The following NAV3 variants were observed in gnomAD, a reference collection of about 807,000 sequenced individuals.
NAV3 encodes neuron navigator 3, also known as pore membrane and/or filament interacting like protein 1.
A neutral mutation model predicts 244.7 loss-of-function variants in NAV3; 87 were observed. The ratio of observed to expected loss-of-function variants is 0.36; its 90% CI spans 0.30 to 0.42. NAV3 has a LOEUF of 0.42. Ranked by LOEUF, NAV3 falls within the 20% of genes least tolerant of loss-of-function variation. NAV3 has a pLI of 1.00. For synonymous variants in NAV3, 1,126 were observed against 1,042.2 expected (o/e 1.08, Z -1.55); for missense variants, 2,663 against 2,893.3 (o/e 0.92, Z 1.83).
At chr12:77,940,987 ATT>A in intron 2 of NAV3, 92 bp from the exon 3 acceptor site, 3 of 748,572 alleles carry the variant, frequency 4.0e-6, no homozygotes, top group African/African-American at 1.8e-5. Context: ...TTTGCTTGGT[ATT>A]TTTTTTTTCC....
chr12:77,706,655 G>A (rs1446025794), intron 2 of NAV3, among the ~76,000 whole-genome samples: 1 of 150,838 alleles, frequency 6.6e-6, no homozygotes, highest in Non-Finnish European at 1.5e-5. Context: ...CGGATCACGA[G>A]GTCAGGAGAT....
At chr12:77,680,063 A>G (rs1386517456) in intron 2 of NAV3, among the ~76,000 whole-genome samples, 1 of 152,160 alleles carries the variant, frequency 6.6e-6, no homozygotes, top group Non-Finnish European at 1.5e-5. Flanking sequence ...CTTTTGAACA[A>G]TAGAGATTGC....
At chr12:77,628,763 T>C (rs1216766157) in intron 2 of NAV3, among the ~76,000 whole-genome samples, 1 of 151,650 alleles carries the variant, frequency 6.6e-6, no homozygotes, top group Non-Finnish European at 1.5e-5. Flanking sequence ...CGGTGGAGCA[T>C]GCTTGTGGTC....
chr12:77,650,114 C>T (rs1872760182), intron 2 of NAV3, among the ~76,000 whole-genome samples: 1 of 152,156 alleles, frequency 6.6e-6, no homozygotes, highest in South Asian at 2.1e-4. Flanking sequence ...TTCCTAAGTG[C>T]CTCCGAGGTG....
intron 2 of NAV3, among the ~76,000 whole-genome samples, chr12:77,756,353 C>CT (rs202018543): frequency 0.041 from 6,195 of 151,560 alleles, 411 homozygotes; most frequent in African/African-American, 0.14. Context: ...TTAACTGACA[C>CT]TTTTTTTTTC....
At chr12:77,978,922 C>T (rs148695311) in intron 5 of NAV3, among the ~76,000 whole-genome samples, 7 of 151,906 alleles carry the variant, frequency 4.6e-5, no homozygotes, top group East Asian at 3.9e-4. Context: ...ACATTCAGAG[C>T]TTCAGCCTCA....
rs1871150978 is a variant in NAV3 at position 77,989,816 on chromosome 12, A to T, written c.672-4987A>T. On this transcript the variant is annotated intron_variant, in intron 5 of 39. Transcript: ENST00000397909. ...CATTTGTGGCAGTTATACTTGGCAGATAAATTACTTTCTAAAGGGTAATAT... is the reference window on the plus strand; with the variant it reads ...CATTTGTGGCAGTTATACTTGGCAGTTAAATTACTTTCTAAAGGGTAATAT... Among the ~76,000 whole-genome samples, 5 of 152,192 alleles carry T rather than the reference A, an allele frequency of 3.3e-5. No homozygotes were observed. In the South Asian group the frequency reaches 1.0e-3, roughly 31 times the overall value.
intron 2 of NAV3, among the ~76,000 whole-genome samples, chr12:77,708,041 G>A (rs1007135957): frequency 6.6e-6 from 1 of 152,258 alleles, no homozygotes; most frequent in Non-Finnish European, 1.5e-5. Flanking sequence ...TTCTTTTGCT[G>A]TGCAGAAGCT....
chr12:77,668,354 G>A (rs889529503), intron 2 of NAV3, among the ~76,000 whole-genome samples: 3 of 152,074 alleles, frequency 2.0e-5, no homozygotes, highest in Admixed American at 6.5e-5. Flanking sequence ...CCAGAGAAAC[G>A]TGAAGTCCAA....
chr12:77,859,618 T>TA lies in NAV3; in HGVS notation c.243+27925dup, dbSNP rs1555217231. On this transcript the variant is annotated intron_variant, in intron 1 of 39. Coordinates refer to ENST00000397909, the MANE Select transcript of NAV3 (RefSeq NM_001024383.2). ...ATGTACCCTAAAACTTAAAGTGTAA[T>TA]AAAAAAAAAAATCAAAGTGAAAAAA... Among the ~76,000 whole-genome samples, 546 of 136,562 alleles carry TA rather than the reference T, an allele frequency of 4.0e-3. 4 individuals carry two copies. Among genetic ancestry groups the TA allele is most frequent in the Admixed American group, 0.011 (153 of 13,904 alleles). 89.6% of individuals were successfully genotyped at this position (136,562 alleles called of 152,430 possible).
chr12:77,694,253 T>C (rs1157127773), intron 2 of NAV3, among the ~76,000 whole-genome samples: 2 of 151,200 alleles, frequency 1.3e-5, no homozygotes, highest in Non-Finnish European at 2.9e-5. Context: ...GATCTTGAGG[T>C]CAGGAGATGG....
intron 2 of NAV3, among the ~76,000 whole-genome samples, chr12:77,774,659 A>G (rs888737000): frequency 1.3e-5 from 2 of 152,170 alleles, no homozygotes; most frequent in Non-Finnish European, 2.9e-5. Context: ...GGGGACTGTC[A>G]TCCCTCAGCT....
intron 1 of NAV3, among the ~76,000 whole-genome samples, chr12:77,939,059 A>G (rs1889613118): frequency 6.6e-6 from 1 of 151,758 alleles, no homozygotes; most frequent in Admixed American, 6.6e-5. Context: ...AGTTGTGGGG[A>G]GACTTTCATT....
At chr12:77,722,313 A>G (rs1258056743) in intron 2 of NAV3, among the ~76,000 whole-genome samples, 2 of 152,024 alleles carry the variant, frequency 1.3e-5, no homozygotes, top group Non-Finnish European at 1.5e-5. Context: ...GAAAAGATGA[A>G]TTCAGGGTTT....
intron 2 of NAV3, among the ~76,000 whole-genome samples, chr12:77,785,220 G>A (rs533991090): frequency 1.3e-5 from 2 of 152,162 alleles, no homozygotes; most frequent in South Asian, 4.2e-4. Flanking sequence ...TATTAAGCAT[G>A]ATATCACTTG....
intron 1 of NAV3, among the ~76,000 whole-genome samples, chr12:77,915,104 C>T (rs1886993878): frequency 6.6e-6 from 1 of 152,038 alleles, no homozygotes; most frequent in Non-Finnish European, 1.5e-5. Flanking sequence ...GGATCTTCTT[C>T]TCTTCCTTCT....
intron 2 of NAV3, among the ~76,000 whole-genome samples, chr12:77,651,521 C>G (rs987450175): frequency 6.6e-6 from 1 of 152,034 alleles, no homozygotes; most frequent in Non-Finnish European, 1.5e-5. Context: ...CAAAACAAAA[C>G]AAAACCTCTT....
intron 12 of NAV3, among the ~76,000 whole-genome samples, chr12:78,094,419 T>C (rs1183084846): frequency 2.0e-5 from 3 of 152,192 alleles, no homozygotes; most frequent in Non-Finnish European, 4.4e-5. Flanking sequence ...TATAATGGTG[T>C]AACATTTTAA....
chr12:78,204,883 G>T lies in NAV3; in HGVS notation c.6835-52G>T. 4 of 1,530,960 alleles carry T rather than the reference G, an allele frequency of 2.6e-6. No homozygotes were observed. In the South Asian group the frequency reaches 3.6e-5, roughly 14 times the overall value. The allele number at this position is 1,530,960 out of a possible 1,614,324, so 94.8% of individuals were successfully genotyped here. On this transcript the variant is annotated intron_variant, in intron 38 of 39. Transcript: ENST00000397909. ...CATCCAACTAGCAGTCCCCTTTTTTGCTGAATAGAAATGCATTTTATATAT... is the reference window on the plus strand; with the variant it reads ...CATCCAACTAGCAGTCCCCTTTTTTTCTGAATAGAAATGCATTTTATATAT...
Sources: gnomAD v4.1 joint callset for allele counts (sites outside exome capture counted in the v4.1 genomes callset) on GRCh38, gnomAD v4.1.1 for gene constraint, MANE v1.5 for transcripts, NCBI Gene and HGNC (gene_info 2026-07-23, HGNC 2026-07-21) for gene names.